CBFA2T2: variants seen among roughly 807,000 people sequenced by gnomAD.
CBFA2T2 encodes the protein protein CBFA2T2.
Under a neutral mutation model 62.2 loss-of-function variants are expected in CBFA2T2, and 11 were observed. The observed-to-expected ratio is 0.18, with a 90% CI of 0.11 to 0.29. The LOEUF (loss-of-function observed/expected upper bound fraction) is 0.29, where lower values mean the gene tolerates loss of function less well. CBFA2T2 is among the 10% of genes least tolerant of loss of function. CBFA2T2 has a pLI of 1.00. For synonymous variants in CBFA2T2, 295 were observed against 287.5 expected, an observed-to-expected ratio of 1.03 and a Z score of -0.27; for missense variants, 592 against 774.1, an observed-to-expected ratio of 0.76 and a Z score of 2.79.
chr20:33,532,496 C>T (rs537431583), intron 1 of CBFA2T2, among the ~76,000 whole-genome samples: 1 of 152,304 alleles, frequency 6.6e-6, no homozygotes, highest in South Asian at 2.1e-4. Flanking sequence ...AGGTACATTT[C>T]AAGTGTAGCT....
chr20:33,623,854 G>T, intron 5 of CBFA2T2: 1 of 717,052 alleles, frequency 1.4e-6, no homozygotes. Context: ...CTGCACACCC[G>T]GTAAGAAACT....
At chr20:33,548,930 C>A (rs542484395) in intron 1 of CBFA2T2, among the ~76,000 whole-genome samples, 3 of 152,100 alleles carry the variant, frequency 2.0e-5, no homozygotes, top group Admixed American at 1.3e-4. Context: ...GCACTTCAGC[C>A]CCATCCTGGA....
chr20:33,577,498 C>T (rs1013876071), intron 1 of CBFA2T2, among the ~76,000 whole-genome samples: 10 of 152,088 alleles, frequency 6.6e-5, no homozygotes, highest in African/African-American at 1.9e-4. Flanking sequence ...TTCTATGCTT[C>T]AATTTTCTAA....
At chr20:33,509,822 CT>C (rs779240592) in intron 1 of CBFA2T2, among the ~76,000 whole-genome samples, 3,647 of 141,278 alleles carry the variant, frequency 0.026, 86 homozygotes, top group African/African-American at 0.069. Context: ...GAGTAAAACT[CT>C]TTTTTTTTTT....
chr20:33,501,546 C>T (rs1178904280), intron 1 of CBFA2T2, among the ~76,000 whole-genome samples: 1 of 150,354 alleles, frequency 6.7e-6, no homozygotes, highest in Non-Finnish European at 1.5e-5. Context: ...CATTCCCCAG[C>T]CAATTGCTGA....
chr20:33,502,549 G>A (rs1332916591), intron 1 of CBFA2T2, among the ~76,000 whole-genome samples: 1 of 151,722 alleles, frequency 6.6e-6, no homozygotes, highest in Non-Finnish European at 1.5e-5. Context: ...GACCACAGGC[G>A]CCCGCCAACA....
Position 33,582,897 on chromosome 20 carries a change from G to A in CBFA2T2, c.35-24059G>A, listed in dbSNP as rs118014232. Among the ~76,000 whole-genome samples the A allele has an allele frequency of 5.0e-3, 745 of 150,468 alleles. 5 individuals carry two copies. Among genetic ancestry groups the A allele is most frequent in the Non-Finnish European group, 8.2e-3 (555 of 67,612 alleles). ...GTGGATGTTGCAGTGAACGAAGATC[G>A]CACCACTGCACTCCAGCCTGGATGA... On this transcript the variant is annotated intron_variant, in intron 1 of 10. Transcript: ENST00000342704.
intron 1 of CBFA2T2, among the ~76,000 whole-genome samples, chr20:33,514,309 G>T (rs1278204427): frequency 1.4e-5 from 2 of 146,076 alleles, no homozygotes; most frequent in Admixed American, 1.4e-4. Context: ...CCACCTCTTG[G>T]GTTCAAACGA....
intron 1 of CBFA2T2, among the ~76,000 whole-genome samples, chr20:33,530,939 G>A (rs1239248483): frequency 6.6e-6 from 1 of 152,094 alleles, no homozygotes; most frequent in African/African-American, 2.4e-5. Flanking sequence ...AATTAGCCGG[G>A]TGTGGTGGCA....
intron 2 of CBFA2T2, among the ~76,000 whole-genome samples, chr20:33,610,276 C>A (rs1186435499): frequency 6.6e-6 from 1 of 152,116 alleles, no homozygotes; most frequent in Admixed American, 6.5e-5. Context: ...CTGCTGCACT[C>A]CAGCTTGGAT....
intron 8 of CBFA2T2, among the ~76,000 whole-genome samples, chr20:33,631,992 T>C (rs752903931): frequency 5.3e-5 from 8 of 152,320 alleles, no homozygotes; most frequent in Middle Eastern, 3.4e-3. Context: ...TGGGCACGGT[T>C]GGCTTCATCA....
intron 1 of CBFA2T2, among the ~76,000 whole-genome samples, chr20:33,580,938 T>C (rs1476148492): frequency 6.6e-6 from 1 of 152,190 alleles, no homozygotes; most frequent in Non-Finnish European, 1.5e-5. Context: ...CTGTTTGTTT[T>C]TGAATGAAAA....
At chr20:33,498,646 G>T (rs750607321) in intron 1 of CBFA2T2, among the ~76,000 whole-genome samples, 1 of 152,160 alleles carries the variant, frequency 6.6e-6, no homozygotes, top group Non-Finnish European at 1.5e-5. Context: ...TTACTCGGAA[G>T]GCTGAGGTAG....
chr20:33,552,173 A>G (rs538274797), intron 1 of CBFA2T2, among the ~76,000 whole-genome samples: 37 of 151,712 alleles, frequency 2.4e-4, no homozygotes, highest in African/African-American at 9.0e-4. Flanking sequence ...TTTAATAACT[A>G]ATAAAACTGG....
intron 1 of CBFA2T2, among the ~76,000 whole-genome samples, chr20:33,533,993 AAAC>A (rs1002376968): frequency 9.9e-5 from 15 of 152,246 alleles, no homozygotes; most frequent in African/African-American, 2.2e-4. Context: ...TCCATCTCAG[AAAC>A]AACAACAACA....
At chr20:33,496,768 G>A (rs999654692) in intron 1 of CBFA2T2, among the ~76,000 whole-genome samples, 2 of 152,188 alleles carry the variant, frequency 1.3e-5, no homozygotes, top group African/African-American at 2.4e-5. Flanking sequence ...CTTGTCTGAC[G>A]TTGAATAGGT....
chr20:33,599,268 A>G lies in CBFA2T2; in HGVS notation c.35-7688A>G, dbSNP rs981265944. Among the ~76,000 whole-genome samples, 9 of 150,580 alleles carry G rather than the reference A, an allele frequency of 6.0e-5. No individual in the cohort carries two copies. In the East Asian group the frequency reaches 1.6e-3, roughly 27 times the overall value. ...CAGTGAGACTCTGTCTCAAGAGAAA[A>G]AAAAAACCTGTGGCCCACTGTCCAT... On this transcript the variant is annotated intron_variant, in intron 1 of 10. Transcript: ENST00000342704.
At chr20:33,601,232 T>G (rs1005740403) in intron 1 of CBFA2T2, among the ~76,000 whole-genome samples, 7 of 151,238 alleles carry the variant, frequency 4.6e-5, no homozygotes, top group African/African-American at 9.7e-5. Context: ...CTGATTTTTG[T>G]TTTTTTTGTG....
At chr20:33,505,730 G>A (rs2011391461) in intron 1 of CBFA2T2, among the ~76,000 whole-genome samples, 1 of 151,952 alleles carries the variant, frequency 6.6e-6, no homozygotes, top group African/African-American at 2.4e-5. Context: ...GCAGTGAGCC[G>A]AGATCGCGCC....
Sources: gnomAD v4.1 joint callset for allele counts (sites outside exome capture counted in the v4.1 genomes callset) on GRCh38, gnomAD v4.1.1 for gene constraint, MANE v1.5 for transcripts, NCBI Gene and HGNC (gene_info 2026-07-23, HGNC 2026-07-21) for gene names.